The following AEBP2 variants were observed in gnomAD, a reference collection of about 807,000 sequenced individuals.
AEBP2 encodes AE binding protein 2, also known as zinc finger protein AEBP2.
In AEBP2, 10 loss-of-function variants were observed where a neutral mutation model predicts 50.8. The ratio of observed to expected loss-of-function variants is 0.20; its 90% CI spans 0.12 to 0.33. The LOEUF (loss-of-function observed/expected upper bound fraction) is 0.33. Ranked by LOEUF, AEBP2 falls within the 10% of genes least tolerant of loss-of-function variation. The probability of loss-of-function intolerance (pLI) is 1.00; values close to 1 mark genes in which losing one functional copy is unlikely to be tolerated. For missense variants in AEBP2, 570 were observed against 688.0 expected, an observed-to-expected ratio of 0.83 and a Z score of 1.92; for synonymous variants, 296 against 261.3, an observed-to-expected ratio of 1.13 and a Z score of -1.28.
intron 2 of AEBP2, among the ~76,000 whole-genome samples, chr12:19,465,674 CTA>C (rs2153370869): frequency 6.6e-6 from 1 of 151,884 alleles, no homozygotes; most frequent in African/African-American, 2.4e-5. Flanking sequence ...TTACAATAGA[CTA>C]TGTGTTTTGA....
At chr12:19,424,451 C>T (rs1268756843) in intron 1 of AEBP2, among the ~76,000 whole-genome samples, 1 of 151,656 alleles carries the variant, frequency 6.6e-6, no homozygotes, top group Admixed American at 6.6e-5. Context: ...GGCTGGAGTG[C>T]AGTGGCGCGA....
intron 1 of AEBP2, among the ~76,000 whole-genome samples, chr12:19,450,221 C>A (rs1948142426): frequency 6.6e-6 from 1 of 151,802 alleles, no homozygotes; most frequent in Admixed American, 6.6e-5. Context: ...CACCCCATTG[C>A]CCTGGGAAGG....
intron 1 of AEBP2, among the ~76,000 whole-genome samples, chr12:19,422,973 G>C (rs943808802): frequency 1.5e-5 from 2 of 135,796 alleles, no homozygotes; most frequent in Non-Finnish European, 3.1e-5. Context: ...GCTGAGGCAG[G>C]ACAATCACTT....
chr12:19,482,805 G>A lies in AEBP2; in HGVS notation c.987+9450G>A, dbSNP rs180991478. Reference sequence around the variant, plus strand: ...GGGCGTTGGTTTTCAGGCCAGTGGGGTTATGTTCCATAGGGGATTTTGGCT... The same window carrying A: ...GGGCGTTGGTTTTCAGGCCAGTGGGATTATGTTCCATAGGGGATTTTGGCT... On this transcript the variant is annotated intron_variant, in intron 3 of 7. Coordinates refer to ENST00000266508, the MANE Select transcript of AEBP2 (RefSeq NM_153207.5). Among the ~76,000 whole-genome samples, 235 of 152,250 alleles carry A rather than the reference G, an allele frequency of 1.5e-3. 4 individuals are homozygous for A. The highest frequency in any genetic ancestry group is 0.015 in the Admixed American group (229 of 15,292).
intron 4 of AEBP2, among the ~76,000 whole-genome samples, chr12:19,494,608 CGACCTCAGGTGATTGCCT>C (rs1948943330): frequency 6.6e-6 from 1 of 151,312 alleles, no homozygotes; most frequent in Non-Finnish European, 1.5e-5. Flanking sequence ...CTCAAACTCC[CGACCTCAGGTGATTGCCT>C]GTCTCGGCCT....
intron 3 of AEBP2, among the ~76,000 whole-genome samples, chr12:19,486,523 C>G (rs369243257): frequency 4.0e-4 from 61 of 152,176 alleles, no homozygotes; most frequent in African/African-American, 1.4e-3. Flanking sequence ...TCCCAAGTAG[C>G]TGGGATTCAG....
At chr12:19,422,653 T>G (rs1464164502) in intron 1 of AEBP2, among the ~76,000 whole-genome samples, 1 of 151,834 alleles carries the variant, frequency 6.6e-6, no homozygotes, top group Non-Finnish European at 1.5e-5. Flanking sequence ...TGTGCCACCA[T>G]GCCTGGTTAA....
In AEBP2 at chr12:19,521,383, A is replaced by G. The variant is rs1949396477; in HGVS notation, c.*3266A>G. On this transcript the variant is annotated 3_prime_UTR_variant, in exon 8 of 8. Transcript: ENST00000266508. ...GGGTTTTTAAAGTTATTAATAGTCC[A>G]TCATTTCATCATTTGTGTTTCTGTA... 2 of 152,194 alleles carry G rather than the reference A, an allele frequency of 1.3e-5. No individual in the cohort carries two copies. Among genetic ancestry groups the G allele is most frequent in the African/African-American group, 2.4e-5 (1 of 41,446 alleles). 9.4% of individuals were successfully genotyped at this position (152,194 alleles called of 1,614,324 possible).
chr12:19,481,122 A>T (rs1592754468), intron 3 of AEBP2, among the ~76,000 whole-genome samples: 3 of 84,080 alleles, frequency 3.6e-5, no homozygotes, highest in Admixed American at 1.8e-4. Flanking sequence ...TTTTTTTGAG[A>T]CCGAGTCTCA....
intron 2 of AEBP2, among the ~76,000 whole-genome samples, chr12:19,471,827 G>A (rs1407405382): frequency 2.6e-5 from 4 of 152,010 alleles, no homozygotes; most frequent in Non-Finnish European, 5.9e-5. Context: ...CACCACATCG[G>A]GTGCATATAA....
chr12:19,514,230 G>A (rs1476497529), intron 6 of AEBP2, among the ~76,000 whole-genome samples: 1 of 151,834 alleles, frequency 6.6e-6, no homozygotes, highest in Non-Finnish European at 1.5e-5. Flanking sequence ...AAACTCCTGG[G>A]CTCAAGTTAT....
chr12:19,462,362 A>G (rs1322360421), intron 1 of AEBP2, 148 bp from the exon 2 acceptor site: 2 of 650,440 alleles, frequency 3.1e-6, no homozygotes, highest in African/African-American at 3.6e-5. Context: ...ATTTAAAAGC[A>G]TTGTTGTTTT....
chr12:19,511,986 A>C (rs748539107), intron 5 of AEBP2, among the ~76,000 whole-genome samples: 62 of 152,066 alleles, frequency 4.1e-4, no homozygotes, highest in Non-Finnish European at 6.6e-4. Flanking sequence ...CAGGATTACT[A>C]TCTCTTCCAG....
intron 2 of AEBP2, among the ~76,000 whole-genome samples, chr12:19,467,097 A>G (rs1478485771): frequency 3.3e-5 from 5 of 152,118 alleles, no homozygotes; most frequent in African/African-American, 4.8e-5. Flanking sequence ...AATTATGAAT[A>G]CACTTTTTTT....
intron 1 of AEBP2, among the ~76,000 whole-genome samples, chr12:19,405,816 C>CT (rs911072223): frequency 8.0e-5 from 12 of 149,892 alleles, no homozygotes; most frequent in Non-Finnish European, 1.3e-4. Flanking sequence ...GATACTTTAT[C>CT]TTTTTTTTTG....
At chr12:19,433,385 C>A (rs2095752435) in intron 1 of AEBP2, among the ~76,000 whole-genome samples, 1 of 151,906 alleles carries the variant, frequency 6.6e-6, no homozygotes, top group Admixed American at 6.6e-5. Flanking sequence ...GAGACCCCTT[C>A]TCCAAAAAAA....
chr12:19,418,389 C>CG (rs1555179202), intron 1 of AEBP2, among the ~76,000 whole-genome samples: 1 of 94,928 alleles, frequency 1.1e-5, no homozygotes, highest in Non-Finnish European at 2.0e-5. Context: ...CTATGCCTGG[C>CG]TTTTTTTTTT....
chr12:19,443,727 AAAG>A, intron 1 of AEBP2, among the ~76,000 whole-genome samples: 1 of 152,268 alleles, frequency 6.6e-6, no homozygotes, highest in African/African-American at 2.4e-5. Flanking sequence ...CATCTCAAAA[AAAG>A]ATAATTAAAT....
Position 19,423,105 on chromosome 12 carries a change from C to T in AEBP2, c.-17+18889C>T, listed in dbSNP as rs116052806. The stretch of plus-strand genomic sequence containing the variant: ...AAAAAAAAAAAAAAAGAACATCTGA[C>T]CAGAGTATAAGTTTCATGAGAGCAG... On this transcript the variant is annotated intron_variant, in intron 1 of 3. Transcript: ENST00000538425. Among the ~76,000 whole-genome samples, 717 of 131,578 alleles carry T rather than the reference C, an allele frequency of 5.4e-3. 7 individuals are homozygous for T. Among genetic ancestry groups the T allele is most frequent in the African/African-American group, 0.019 (685 of 35,296 alleles). The allele number at this position is 131,578 out of a possible 152,430, so 86.3% of individuals were successfully genotyped here. A position where few individuals can be genotyped will look rare whatever the true frequency, so the allele number is the denominator to read the frequency against.
Sources: allele counts gnomAD v4.1 joint callset (sites outside exome capture counted in the v4.1 genomes callset), GRCh38; gene constraint gnomAD v4.1.1; transcripts MANE v1.5; gene names NCBI Gene and HGNC (gene_info 2026-07-23, HGNC 2026-07-21).